The following POU6F2 variants were observed in gnomAD, a reference collection of about 807,000 sequenced individuals.
The protein encoded by POU6F2 is POU class 6 homeobox 2.
Under a neutral mutation model 71.3 loss-of-function variants are expected in POU6F2, and 31 were observed. The ratio of observed to expected loss-of-function variants is 0.43; its 90% confidence interval spans 0.33 to 0.59. The LOEUF (loss-of-function observed/expected upper bound fraction) is 0.59. POU6F2 is among the 20% of genes least tolerant of loss of function. The probability of loss-of-function intolerance (pLI) is 0.04; values close to 1 mark genes in which losing one functional copy is unlikely to be tolerated. For missense variants in POU6F2, 783 were observed against 856.8 expected (o/e 0.91, Z 1.07); for synonymous variants, 347 against 355.7 (o/e 0.98, Z 0.27).
At chr7:39,297,196 TACAC>T (rs61192418) in intron 4 of POU6F2, among the ~76,000 whole-genome samples, 9,691 of 139,052 alleles carry the variant, frequency 0.07, 407 homozygotes, top group African/African-American at 0.12. Context: ...CACATACACA[TACAC>T]ACACACACAC....
chr7:39,082,792 A>G (rs1036060461), intron 1 of POU6F2, among the ~76,000 whole-genome samples: 1 of 128,170 alleles, frequency 7.8e-6, no homozygotes, highest in Non-Finnish European at 1.7e-5. Context: ...TAACCATGTC[A>G]TGCACACACA....
At chr7:39,125,904 G>T (rs1329595981) in intron 2 of POU6F2, among the ~76,000 whole-genome samples, 1 of 152,176 alleles carries the variant, frequency 6.6e-6, no homozygotes, top group East Asian at 1.9e-4. Flanking sequence ...CTAAAAAGAA[G>T]TGGGGCATAA....
intron 5 of POU6F2, among the ~76,000 whole-genome samples, chr7:39,356,809 G>C (rs1302060696): frequency 6.6e-6 from 1 of 152,132 alleles, no homozygotes; most frequent in East Asian, 1.9e-4. Flanking sequence ...TAGATGCTAC[G>C]ATGACTCCTT....
At chr7:39,074,918 A>G (rs1049315599) in intron 1 of POU6F2, among the ~76,000 whole-genome samples, 4 of 152,178 alleles carry the variant, frequency 2.6e-5, no homozygotes, top group African/African-American at 4.8e-5. Context: ...CATCCATCCC[A>G]TGAGGCATAT....
At chr7:39,360,021 T>A (rs1432553863) in intron 5 of POU6F2, among the ~76,000 whole-genome samples, 7 of 152,182 alleles carry the variant, frequency 4.6e-5, no homozygotes, top group Admixed American at 4.6e-4. Context: ...CCTGAACAGA[T>A]TAAAAGCAAA....
In POU6F2 at chr7:39,438,613, T is replaced by G. The variant is rs548820017; in HGVS notation, c.1320+5330T>G. ...AACACTTTTGCACTGTTGGTGGGAC[T>G]GTAAACTAGTTCAACCATTGTGGAA... On this transcript the variant is annotated intron_variant, in intron 7 of 9. Coordinates refer to ENST00000518318, the MANE Select transcript of POU6F2 (RefSeq NM_001370959.1). 2.6e-4 allele frequency among the ~76,000 whole-genome samples: 40 copies of G among 152,370 alleles called. 1 individual carries two copies. Among genetic ancestry groups the G allele is most frequent in the Non-Finnish European group, 8.8e-5 (6 of 68,032 alleles).
intron 5 of POU6F2, among the ~76,000 whole-genome samples, chr7:39,384,356 T>G (rs1439347189): frequency 1.3e-5 from 2 of 152,176 alleles, no homozygotes; most frequent in Non-Finnish European, 2.9e-5. Flanking sequence ...ATATAAAGTT[T>G]TTAAAAGTTT....
intron 4 of POU6F2, among the ~76,000 whole-genome samples, chr7:39,225,907 T>C (rs941910726): frequency 6.6e-6 from 1 of 151,690 alleles, no homozygotes; most frequent in Non-Finnish European, 1.5e-5. Context: ...TGGGGGAAAA[T>C]AGAATGCTTC....
intron 1 of POU6F2, chr7:39,085,189 GTAT>G (rs1370617887): frequency 3.3e-5 from 5 of 152,138 alleles, no homozygotes; most frequent in Admixed American, 3.3e-4. Flanking sequence ...ATTGTGTTGT[GTAT>G]TATTTGCTTT....
chr7:39,232,993 A>G (rs954793990), intron 4 of POU6F2, among the ~76,000 whole-genome samples: 15 of 152,188 alleles, frequency 9.9e-5, no homozygotes, highest in African/African-American at 3.6e-4. Context: ...TGTCAACAAT[A>G]TTTTAGCTTA....
At chr7:39,086,740 A>T (rs1791253021) in intron 2 of POU6F2, among the ~76,000 whole-genome samples, 1 of 152,156 alleles carries the variant, frequency 6.6e-6, no homozygotes, top group African/African-American at 2.4e-5. Flanking sequence ...GTGCCACTCC[A>T]GCAAAGACAT....
intron 4 of POU6F2, among the ~76,000 whole-genome samples, chr7:39,283,307 G>A (rs1583495986): frequency 6.6e-6 from 1 of 151,804 alleles, no homozygotes; most frequent in African/African-American, 2.4e-5. Context: ...ATTTTTAAGT[G>A]TATATTTCAG....
At chr7:39,082,486 A>T (rs1881132) in intron 1 of POU6F2, among the ~76,000 whole-genome samples, 8 of 152,088 alleles carry the variant, frequency 5.3e-5, no homozygotes, top group African/African-American at 1.9e-4. Context: ...ACCGCTGCAG[A>T]GATCCTTGTA....
intron 6 of POU6F2, among the ~76,000 whole-genome samples, chr7:39,425,565 A>T (rs1266948498): frequency 6.6e-6 from 1 of 152,238 alleles, no homozygotes; most frequent in Admixed American, 6.5e-5. Flanking sequence ...AATAGTATAC[A>T]CGTTTAAGTC....
At chr7:39,313,834 T>G (rs554464678) in intron 4 of POU6F2, among the ~76,000 whole-genome samples, 6 of 152,256 alleles carry the variant, frequency 3.9e-5, no homozygotes, top group African/African-American at 1.4e-4. Flanking sequence ...TTCAAGAAAA[T>G]TATCTTAGCG....
intron 1 of POU6F2, among the ~76,000 whole-genome samples, chr7:38,987,621 T>G (rs1788494630): frequency 6.6e-6 from 1 of 152,146 alleles, no homozygotes; most frequent in Non-Finnish European, 1.5e-5. Context: ...TAAAAACATG[T>G]AATGAGACTT....
At chr7:39,085,578 T>G (rs535131617) in intron 1 of POU6F2, among the ~76,000 whole-genome samples, 1 of 137,788 alleles carries the variant, frequency 7.3e-6, no homozygotes, top group East Asian at 2.1e-4. Flanking sequence ...TTCAAAGAAG[T>G]TTTTTTTTTT....
chr7:39,026,501 C>G (rs1425370143), intron 1 of POU6F2, among the ~76,000 whole-genome samples: 1 of 151,726 alleles, frequency 6.6e-6, no homozygotes, highest in Non-Finnish European at 1.5e-5. Flanking sequence ...ATGGCAAGGA[C>G]AAAAAACCAA....
intron 2 of POU6F2, among the ~76,000 whole-genome samples, chr7:39,150,300 A>G (rs1792729826): frequency 6.7e-6 from 1 of 149,862 alleles, no homozygotes; most frequent in South Asian, 2.1e-4. Context: ...ATTGTGACTA[A>G]TGCTGCAATG....
Sources: allele counts gnomAD v4.1 joint callset (sites outside exome capture counted in the v4.1 genomes callset), GRCh38; gene constraint gnomAD v4.1.1; transcripts MANE v1.5; gene names NCBI Gene and HGNC (gene_info 2026-07-23, HGNC 2026-07-21).